Variants in ACOT12 observed in about 807,000 individuals in gnomAD.
The protein encoded by ACOT12 is acyl-CoA thioesterase 12.
Under a neutral mutation model 67.7 loss-of-function variants are expected in ACOT12, and 51 were observed. The ratio of observed to expected loss-of-function variants is 0.75; its 90% CI spans 0.60 to 0.95. The LOEUF (loss-of-function observed/expected upper bound fraction) is 0.95. Ranked by LOEUF, ACOT12 falls within the 40% of genes least tolerant of loss-of-function variation. The pLI, the probability that ACOT12 is intolerant of heterozygous loss-of-function variation, is 0.00. For synonymous variants in ACOT12, 251 were observed against 244.6 expected (o/e 1.03, Z -0.24); for missense variants, 734 against 708.1 (o/e 1.04, Z -0.41).
intron 4 of ACOT12, among the ~76,000 whole-genome samples, chr5:81,362,358 G>C (rs1453980997): frequency 6.6e-6 from 1 of 151,826 alleles, no homozygotes; most frequent in Admixed American, 6.6e-5. Context: ...TAGAGAGGGG[G>C]TTTCTCCATG....
chr5:81,318,960 C>T, the ACOT12 span, among the ~76,000 whole-genome samples: 1 of 152,174 alleles, frequency 6.6e-6, no homozygotes, highest in Non-Finnish European at 1.5e-5. Flanking sequence ...CCCCACCTCC[C>T]CAGTGGCTAT....
chr5:81,312,878 T>C, the ACOT12 span: 1 of 350,596 alleles, frequency 2.9e-6, no homozygotes, highest in Non-Finnish European at 5.2e-6. Context: ...GATGATTAAA[T>C]GAATTCTCTA....
chr5:81,327,050 AC>A (rs1758689161), downstream of ACOT12, among the ~76,000 whole-genome samples: 1 of 152,066 alleles, frequency 6.6e-6, no homozygotes, highest in South Asian at 2.1e-4. Context: ...GATAGTATCA[AC>A]ATATATTTCA....
At chr5:81,392,265 A>G (rs1407605338) in intron 1 of ACOT12, among the ~76,000 whole-genome samples, 1 of 152,206 alleles carries the variant, frequency 6.6e-6, no homozygotes, top group East Asian at 1.9e-4. Flanking sequence ...AATCAGTTTT[A>G]TATTACTACA....
chr5:81,373,998 A>C (rs762523450), intron 2 of ACOT12, among the ~76,000 whole-genome samples: 1 of 152,184 alleles, frequency 6.6e-6, no homozygotes, highest in Non-Finnish European at 1.5e-5. Flanking sequence ...AAGGGACTAC[A>C]CTGCCTCCTG....
At chr5:81,333,091 A>C (rs1488863986) in intron 12 of ACOT12, among the ~76,000 whole-genome samples, 8 of 151,600 alleles carry the variant, frequency 5.3e-5, no homozygotes, top group Admixed American at 5.3e-4. Flanking sequence ...CACAACAAAC[A>C]AACAAAAAAC....
intron 3 of ACOT12, among the ~76,000 whole-genome samples, chr5:81,368,087 T>A (rs1038941658): frequency 6.6e-6 from 1 of 151,284 alleles, no homozygotes; most frequent in African/African-American, 2.4e-5. Context: ...AGGTCAGGAG[T>A]TCAAGACCAG....
chr5:81,354,825 T>A (rs1006540245), intron 5 of ACOT12, among the ~76,000 whole-genome samples: 121 of 152,170 alleles, frequency 8.0e-4, no homozygotes, highest in African/African-American at 2.5e-3. Context: ...TGCCTCAGCC[T>A]CCTGAGTAGC....
chr5:81,333,765 G>C (rs1410519561), intron 12 of ACOT12, among the ~76,000 whole-genome samples: 2 of 152,174 alleles, frequency 1.3e-5, no homozygotes, highest in African/African-American at 4.8e-5. Flanking sequence ...GTATCATTCT[G>C]ATACAGGAGG....
chr5:81,311,110 GAC>G, the ACOT12 span: 6 of 1,177,690 alleles, frequency 5.1e-6, no homozygotes, highest in Admixed American at 8.7e-5. Flanking sequence ...CTTTACAACT[GAC>G]AGGGTTGTGA....
At chr5:81,320,030 G>A in the ACOT12 span, among the ~76,000 whole-genome samples, 2 of 152,302 alleles carry the variant, frequency 1.3e-5, no homozygotes, top group East Asian at 3.9e-4. Flanking sequence ...CGGTGAATGT[G>A]AAGATAGAGA....
At chr5:81,393,836 G>T in intron 1 of ACOT12, 152 bp downstream of exon 1, 4 of 805,690 alleles carry the variant, frequency 5.0e-6, no homozygotes, top group East Asian at 7.3e-5. Context: ...TGCCCAGCGC[G>T]GGCGCACTGT....
intron 3 of ACOT12, among the ~76,000 whole-genome samples, chr5:81,368,312 A>G (rs1279857147): frequency 1.3e-5 from 2 of 152,082 alleles, no homozygotes; most frequent in Non-Finnish European, 2.9e-5. Context: ...AATAATAATA[A>G]TACAGAAGAC....
At chr5:81,331,588 G>A (rs1758830361) in intron 13 of ACOT12, among the ~76,000 whole-genome samples, 1 of 152,078 alleles carries the variant, frequency 6.6e-6, no homozygotes. Context: ...CAACAATAGA[G>A]AACCCTGTAG....
the ACOT12 span, among the ~76,000 whole-genome samples, chr5:81,322,689 A>C: frequency 6.6e-6 from 1 of 152,190 alleles, no homozygotes; most frequent in Non-Finnish European, 1.5e-5. Flanking sequence ...GTAATTTATA[A>C]AGGAAAGAGG....
intron 13 of ACOT12, 61 bp downstream of exon 13, chr5:81,332,416 C>T (rs867130905): frequency 3.9e-4 from 604 of 1,558,434 alleles, no homozygotes; most frequent in Middle Eastern, 1.1e-3. Flanking sequence ...TTCACATCAA[C>T]TTTTAATTTC....
chr5:81,344,121 C>T (rs374404520), intron 9 of ACOT12, 39 bp downstream of exon 9: 23 of 1,597,124 alleles, frequency 1.4e-5, no homozygotes, highest in South Asian at 2.2e-5. Context: ...GTCAGATTAA[C>T]GAAGACTCCA....
rs189736843 is a variant in ACOT12 at position 81,375,170 on chromosome 5, G to C, written c.198-3360C>G. Among the ~76,000 whole-genome samples the C allele has an allele frequency of 1.4e-4, 21 of 152,346 alleles. No individual in the cohort carries two copies. In the Middle Eastern group the frequency reaches 0.01, roughly 74 times the overall value. On this transcript the variant is annotated intron_variant, in intron 2 of 14. Transcript: ENST00000307624. ...TGCAGAAACCCTGCAAGCCAGAAGA[G>C]AGTGGCGGCCAATATTCAACATTCT...
chr5:81,376,781 T>A (rs1197225400), intron 2 of ACOT12, among the ~76,000 whole-genome samples: 2 of 152,028 alleles, frequency 1.3e-5, no homozygotes. Context: ...CTCCCAAGAC[T>A]AAACTAGGAA....
Sources: gnomAD v4.1 joint callset for allele counts (sites outside exome capture counted in the v4.1 genomes callset) on GRCh38, gnomAD v4.1.1 for gene constraint, MANE v1.5 for transcripts, NCBI Gene and HGNC (gene_info 2026-07-23, HGNC 2026-07-21) for gene names.